ZMYND8: variants seen among roughly 807,000 people sequenced by gnomAD.
ZMYND8 encodes the protein zinc finger MYND-type containing 8.
In ZMYND8, 37 loss-of-function variants were observed where a neutral mutation model predicts 140.8. That is an observed-to-expected ratio of 0.26 (90% CI 0.20 to 0.35). The LOEUF (loss-of-function observed/expected upper bound fraction) is 0.35. ZMYND8 is among the 10% of genes least tolerant of loss of function. The pLI is 1.00. For missense variants in ZMYND8, 1,068 were observed against 1,570.0 expected, an observed-to-expected ratio of 0.68 and a Z score of 5.40; for synonymous variants, 592 against 597.1, an observed-to-expected ratio of 0.99 and a Z score of 0.12.
chr20:47,233,839 T>C (rs933423953), intron 16 of ZMYND8, among the ~76,000 whole-genome samples: 4 of 152,234 alleles, frequency 2.6e-5, no homozygotes, highest in Non-Finnish European at 2.9e-5. Context: ...CTAGAGTAAA[T>C]GCTATGCAGA....
In ZMYND8 at chr20:47,262,359, TGAG is replaced by T. The variant is rs1234683658; in HGVS notation, c.1547_1549del (p.Pro516del). 18 of 1,613,724 alleles carry T rather than the reference TGAG, an allele frequency of 1.1e-5. No individual in the cohort carries two copies. Among genetic ancestry groups the T allele is most frequent in the Non-Finnish European group, 1.5e-5 (18 of 1,179,994 alleles). ...TTTCGTCGTGATAGGAGCTGACAGT[TGAG>T]GAGAGAAGGGCTTTGGGCTGCCGGA... On this transcript the variant is annotated inframe_deletion, in exon 12 of 23. Transcript: ENST00000471951.
intron 3 of ZMYND8, among the ~76,000 whole-genome samples, chr20:47,304,571 C>T (rs1601755187): frequency 6.6e-6 from 1 of 152,212 alleles, no homozygotes; most frequent in African/African-American, 2.4e-5. Flanking sequence ...ACACAAGGTC[C>T]ATGTGTGGAC....
chr20:47,331,171 A>G (rs1205485763), intron 2 of ZMYND8, among the ~76,000 whole-genome samples: 1 of 152,238 alleles, frequency 6.6e-6, no homozygotes, highest in African/African-American at 2.4e-5. Flanking sequence ...GCAATTATGA[A>G]TCTAAAAGCC....
At chr20:47,348,495 G>A (rs1411091883) in intron 1 of ZMYND8, 1 of 161,406 alleles carries the variant, frequency 6.2e-6, no homozygotes, top group Non-Finnish European at 1.3e-5. Flanking sequence ...CTGAACCGAG[G>A]AGCACTGATT....
chr20:47,269,971 T>C (rs758061851), intron 11 of ZMYND8, among the ~76,000 whole-genome samples: 17 of 152,328 alleles, frequency 1.1e-4, no homozygotes, highest in South Asian at 2.1e-4. Context: ...GGACCAGGCA[T>C]GGTGCCTCAT....
chr20:47,257,640 A>G (rs974735997), intron 12 of ZMYND8, among the ~76,000 whole-genome samples: 1 of 152,124 alleles, frequency 6.6e-6, no homozygotes, highest in African/African-American at 2.4e-5. Context: ...CCATATACAC[A>G]CATACATATA....
intron 1 of ZMYND8, among the ~76,000 whole-genome samples, chr20:47,350,388 T>A (rs2082681650): frequency 6.7e-6 from 1 of 150,180 alleles, no homozygotes; most frequent in Admixed American, 6.6e-5. Context: ...AATGCAAAAT[T>A]AGTCATTTTG....
chr20:47,296,875 G>A (rs892286439), intron 4 of ZMYND8, among the ~76,000 whole-genome samples: 2 of 152,244 alleles, frequency 1.3e-5, no homozygotes, highest in Middle Eastern at 6.8e-3. Context: ...AGGATCGCTT[G>A]AGCCCAGGTG....
rs372909635 is a variant in ZMYND8 at position 47,307,783 on chromosome 20, C to T, written c.234+2273G>A. Among the ~76,000 whole-genome samples the T allele has an allele frequency of 9.2e-5, 14 of 152,034 alleles. No individual in the cohort carries two copies. The East Asian group carries it at 1.2e-3, about 13-fold the overall frequency. On this transcript the variant is annotated intron_variant, in intron 3 of 22. Transcript: ENST00000471951. ...CAAAGGTTGCAGAGAGCCAAGATTG[C>T]GCCATTGCACTCCAACCTCAGCAAC... is the stretch of plus-strand genomic sequence containing the variant.
chr20:47,332,851 C>A (rs1415433950), intron 2 of ZMYND8, among the ~76,000 whole-genome samples: 2 of 152,198 alleles, frequency 1.3e-5, no homozygotes, highest in Non-Finnish European at 2.9e-5. Context: ...AAAACTCAGA[C>A]ATGAACACTC....
At chr20:47,282,952 C>T (rs966618756) in intron 9 of ZMYND8, among the ~76,000 whole-genome samples, 2 of 152,048 alleles carry the variant, frequency 1.3e-5, no homozygotes, top group Admixed American at 6.6e-5. Flanking sequence ...TTAGCTATTC[C>T]GGTGTTAATC....
At chr20:47,314,890 G>A (rs1177725978) in intron 2 of ZMYND8, among the ~76,000 whole-genome samples, 3 of 152,190 alleles carry the variant, frequency 2.0e-5, no homozygotes, top group Non-Finnish European at 4.4e-5. Flanking sequence ...AGAGCCGGGA[G>A]AAAGGGACTA....
intron 8 of ZMYND8, among the ~76,000 whole-genome samples, chr20:47,284,914 C>G (rs917037137): frequency 2.6e-5 from 4 of 152,022 alleles, no homozygotes; most frequent in Non-Finnish European, 4.4e-5. Flanking sequence ...GAAAAAAAAG[C>G]AGCACCCACC....
At chr20:47,231,541 A>G (rs1462959940) in intron 16 of ZMYND8, among the ~76,000 whole-genome samples, 1 of 152,252 alleles carries the variant, frequency 6.6e-6, no homozygotes. Context: ...TTATTTTTAA[A>G]GAAAAAGAAA....
intron 2 of ZMYND8, among the ~76,000 whole-genome samples, chr20:47,336,948 C>T (rs1443196948): frequency 6.6e-6 from 1 of 151,870 alleles, no homozygotes; most frequent in Non-Finnish European, 1.5e-5. Context: ...CTGCTGGGCC[C>T]TTCAGGCATT....
At chr20:47,251,762 T>C (rs1320042584) in intron 12 of ZMYND8, among the ~76,000 whole-genome samples, 1 of 151,230 alleles carries the variant, frequency 6.6e-6, no homozygotes, top group African/African-American at 2.4e-5. Context: ...CGCCCCACCA[T>C]CTGGGAAGCA....
intron 2 of ZMYND8, chr20:47,318,784 A>G (rs986067708): frequency 1.0e-5 from 5 of 499,242 alleles, no homozygotes; most frequent in African/African-American, 9.8e-5. Flanking sequence ...CTGCAAATCA[A>G]CAGGAACTTC....
At chr20:47,303,063 C>G (rs528743243) in intron 3 of ZMYND8, among the ~76,000 whole-genome samples, 1 of 152,222 alleles carries the variant, frequency 6.6e-6, no homozygotes, top group African/African-American at 2.4e-5. Flanking sequence ...CTTTGCCCAA[C>G]GTCCCTTGGA....
intron 2 of ZMYND8, among the ~76,000 whole-genome samples, chr20:47,329,596 G>A (rs1171968680): frequency 6.6e-6 from 1 of 151,960 alleles, no homozygotes; most frequent in Admixed American, 6.6e-5. Context: ...TAGAGGCGGG[G>A]TTTCTCCATG....
Sources: gnomAD v4.1 joint callset for allele counts (sites outside exome capture counted in the v4.1 genomes callset) on GRCh38, gnomAD v4.1.1 for gene constraint, MANE v1.5 for transcripts, NCBI Gene and HGNC (gene_info 2026-07-23, HGNC 2026-07-21) for gene names.